Variants in DMRT1 observed in about 807,000 individuals in gnomAD.
DMRT1 encodes the protein doublesex and mab-3 related transcription factor 1.
In DMRT1, 7 loss-of-function variants were observed where a neutral mutation model predicts 32.3. The ratio of observed to expected loss-of-function variants is 0.22; its 90% CI spans 0.12 to 0.41. The LOEUF (loss-of-function observed/expected upper bound fraction) is 0.41, where lower values mean the gene tolerates loss of function less well. Among genes scored for constraint, DMRT1 ranks in the 10% least tolerant of loss-of-function variants. The pLI is 1.00. For missense variants in DMRT1, 625 were observed against 500.5 expected, an observed-to-expected ratio of 1.25 and a Z score of -2.37; for synonymous variants, 278 against 206.1, an observed-to-expected ratio of 1.35 and a Z score of -2.99.
intron 3 of DMRT1, among the ~76,000 whole-genome samples, chr9:900,160 C>CG: frequency 2.1e-5 from 1 of 48,222 alleles, no homozygotes; most frequent in East Asian, 8.4e-4. Context: ...TTGCCTAAAC[C>CG]TTTCTACAGG....
chr9:841,741 T>G lies in DMRT1; in HGVS notation c.-98T>G, dbSNP rs1040248448. 1.9e-5 allele frequency: 30 copies of G among 1,546,686 alleles called. No individual in the cohort carries two copies. Among genetic ancestry groups the G allele is most frequent in the African/African-American group, 2.7e-5 (2 of 72,896 alleles). ...CTGCAGCGCACACGTCTCCTGCGCC[T>G]CCTCCTCCGGAGCGTCGCTGTCCGT... On this transcript the variant is annotated 5_prime_UTR_variant, in exon 1 of 5. Coordinates refer to ENST00000382276, the MANE Select transcript of DMRT1 (RefSeq NM_021951.3).
intron 3 of DMRT1, among the ~76,000 whole-genome samples, chr9:913,360 A>G (rs550173662): frequency 6.6e-6 from 1 of 152,220 alleles, no homozygotes; most frequent in South Asian, 2.1e-4. Flanking sequence ...CACTACTCAG[A>G]CTGTGTAATT....
intron 2 of DMRT1, among the ~76,000 whole-genome samples, chr9:868,259 G>A (rs72699226): frequency 8.5e-5 from 13 of 152,082 alleles, no homozygotes; most frequent in Non-Finnish European, 1.3e-4. Context: ...GATTACAGGC[G>A]TGACCACTGC....
chr9:891,276 G>A (rs1817138292), intron 2 of DMRT1, among the ~76,000 whole-genome samples: 5 of 151,002 alleles, frequency 3.3e-5, no homozygotes, highest in Non-Finnish European at 5.9e-5. Flanking sequence ...GTGAAACCCC[G>A]TCTCTACTTA....
intron 2 of DMRT1, among the ~76,000 whole-genome samples, chr9:885,469 TCTC>T (rs929040167): frequency 1.4e-4 from 21 of 152,228 alleles, no homozygotes; most frequent in East Asian, 7.7e-4. Context: ...GCCCGACTCT[TCTC>T]CTACTTCCCC....
chr9:870,776 A>C (rs1816213712), intron 2 of DMRT1, among the ~76,000 whole-genome samples: 1 of 130,728 alleles, frequency 7.6e-6, no homozygotes, highest in Non-Finnish European at 1.5e-5. Flanking sequence ...CAGTGGTGTG[A>C]TCATGGCTCA....
chr9:856,042 G>A (rs1387398014), intron 2 of DMRT1, among the ~76,000 whole-genome samples: 1 of 151,982 alleles, frequency 6.6e-6, no homozygotes, highest in Non-Finnish European at 1.5e-5. Flanking sequence ...TCAGCCTTCT[G>A]AGCAGCTGGG....
chr9:933,958 G>A (rs1454493809), intron 4 of DMRT1, among the ~76,000 whole-genome samples: 1 of 151,722 alleles, frequency 6.6e-6, no homozygotes, highest in Non-Finnish European at 1.5e-5. Context: ...GTTACTGACA[G>A]ACTTATTGAG....
intron 4 of DMRT1, among the ~76,000 whole-genome samples, chr9:922,641 T>C (rs935505384): frequency 6.6e-6 from 1 of 152,220 alleles, no homozygotes; most frequent in Non-Finnish European, 1.5e-5. Flanking sequence ...TTAGATATTT[T>C]TGTCTGTTTA....
rs750236706 is a variant in DMRT1, at chr9:968,136, G to C, written c.1119G>C (p.Glu373Asp). ...TCACTCCCGTCATCGAGGAGGACGAGTGAGCAGTGCCTGCTGCCGATGGCG... is the reference window on the plus strand; with the variant it reads ...TCACTCCCGTCATCGAGGAGGACGACTGAGCAGTGCCTGCTGCCGATGGCG... ...FTVTPVIEED[E>D] The change falls in exon 5 of 5, where the codon GAG becomes GAC. Residue 373 changes from glutamate to aspartate, a missense_variant. This residue lies in a region of DMRT1 where 416 missense variants were observed against 321.6 expected (regional missense o/e 1.29). Coordinates refer to ENST00000382276, the MANE Select transcript of DMRT1 (RefSeq NM_021951.3). The C allele has an allele frequency of 5.6e-6, 9 of 1,605,346 alleles. No individual in the cohort carries two copies. The highest frequency in any genetic ancestry group is 2.2e-5 in the South Asian group (2 of 90,870).
intron 2 of DMRT1, among the ~76,000 whole-genome samples, chr9:885,438 C>G (rs533921974): frequency 6.6e-6 from 1 of 152,260 alleles, no homozygotes; most frequent in South Asian, 2.1e-4. Context: ...TGGTTTTCCC[C>G]TGGAGTCAGG....
chr9:910,472 G>A (rs75180145), intron 3 of DMRT1, among the ~76,000 whole-genome samples: 6,238 of 151,648 alleles, frequency 0.041, 327 homozygotes, highest in East Asian at 0.17. Flanking sequence ...GCAAGACCAG[G>A]CACTCATCTA....
intron 4 of DMRT1, among the ~76,000 whole-genome samples, chr9:929,977 C>A (rs570208656): frequency 6.6e-6 from 1 of 152,134 alleles, no homozygotes; most frequent in African/African-American, 2.4e-5. Context: ...AACAGCCTTG[C>A]GTCTGAGCTT....
At chr9:866,101 C>A (rs1028885527) in intron 2 of DMRT1, among the ~76,000 whole-genome samples, 1 of 141,422 alleles carries the variant, frequency 7.1e-6, no homozygotes, top group African/African-American at 2.6e-5. Context: ...GAGGCAGCAG[C>A]TGCCGTGAGC....
intron 4 of DMRT1, among the ~76,000 whole-genome samples, chr9:946,756 A>G (rs897980791): frequency 1.1e-4 from 16 of 152,162 alleles, no homozygotes; most frequent in African/African-American, 3.9e-4. Context: ...TGTGGGGACA[A>G]TTGTGTTTCC....
intron 2 of DMRT1, among the ~76,000 whole-genome samples, chr9:886,589 C>T (rs1244161975): frequency 1.3e-5 from 2 of 151,222 alleles, no homozygotes; most frequent in African/African-American, 4.9e-5. Flanking sequence ...TTTTTTTTTT[C>T]CTGTGGCTCA....
In DMRT1 at chr9:968,271, A is replaced by C. The variant is rs943597262; in HGVS notation, c.*132A>C. On this transcript the variant is annotated 3_prime_UTR_variant, in exon 5 of 5. Transcript: ENST00000382276. ...AACGTATTTGGTTTATATTCCTTAG[A>C]GTTTAGTCCAGAGGCTGTAACACAT... 77 of 1,101,562 alleles carry C rather than the reference A, an allele frequency of 7.0e-5. No homozygotes were observed. The highest frequency in any genetic ancestry group is 1.6e-5 in the African/African-American group (1 of 64,158). 68.2% of individuals were successfully genotyped at this position (1,101,562 alleles called of 1,614,324 possible).
At chr9:870,177 C>T (rs1371299094) in intron 2 of DMRT1, among the ~76,000 whole-genome samples, 5 of 152,190 alleles carry the variant, frequency 3.3e-5, no homozygotes, top group Admixed American at 1.3e-4. Flanking sequence ...GCAGGTGGAT[C>T]ACCTGAGGTC....
At chr9:938,119 G>C (rs561490244) in intron 4 of DMRT1, among the ~76,000 whole-genome samples, 5 of 152,138 alleles carry the variant, frequency 3.3e-5, no homozygotes, top group Admixed American at 2.6e-4. Flanking sequence ...CCAGTGAGTG[G>C]TCTTAGCACA....
Sources: gnomAD v4.1 joint callset for allele counts (sites outside exome capture counted in the v4.1 genomes callset) on GRCh38, gnomAD v4.1.1 for gene constraint, gnomAD v4.1.1 regional missense constraint, MANE v1.5 for transcripts, NCBI Gene and HGNC (gene_info 2026-07-23, HGNC 2026-07-21) for gene names.